Variants in TMEM108 observed in about 807,000 individuals in gnomAD.
TMEM108 encodes cancer/testis antigen 124.
Under a neutral mutation model 35.1 loss-of-function variants are expected in TMEM108, and 12 were observed. That is an observed-to-expected ratio of 0.34 (90% CI 0.22 to 0.55). The LOEUF (loss-of-function observed/expected upper bound fraction) is 0.55. TMEM108 is among the 20% of genes least tolerant of loss of function. TMEM108 has a pLI of 0.89. For missense variants in TMEM108, 680 were observed against 753.3 expected (o/e 0.90, Z 1.14); for synonymous variants, 287 against 308.6 (o/e 0.93, Z 0.73).
chr3:133,300,252 G>A (rs1326881340), intron 3 of TMEM108, among the ~76,000 whole-genome samples: 2 of 152,094 alleles, frequency 1.3e-5, no homozygotes, highest in African/African-American at 4.8e-5. Context: ...TGAAAGAGAC[G>A]GATTAATGTC....
chr3:133,228,642 A>G (rs1420084371), intron 2 of TMEM108, among the ~76,000 whole-genome samples: 1 of 152,172 alleles, frequency 6.6e-6, no homozygotes, highest in East Asian at 1.9e-4. Context: ...AATGAAACAG[A>G]CCAATAGAAG....
intron 2 of TMEM108, among the ~76,000 whole-genome samples, chr3:133,067,961 T>A (rs968803112): frequency 2.6e-5 from 4 of 151,532 alleles, no homozygotes; most frequent in African/African-American, 9.7e-5. Context: ...CTGGTGTGGG[T>A]CATCCCACCG....
intron 2 of TMEM108, among the ~76,000 whole-genome samples, chr3:133,222,040 T>C (rs1334282192): frequency 6.6e-6 from 1 of 152,206 alleles, no homozygotes; most frequent in Admixed American, 6.5e-5. Flanking sequence ...TATGTTTTCT[T>C]GTATTAATTA....
intron 2 of TMEM108, among the ~76,000 whole-genome samples, chr3:133,059,744 CA>C (rs146342386): frequency 0.025 from 3,798 of 152,284 alleles, 181 homozygotes; most frequent in African/African-American, 0.086. Flanking sequence ...CCATTACATA[CA>C]AAAATCATTG....
chr3:133,226,920 T>C (rs1398667509), intron 2 of TMEM108, among the ~76,000 whole-genome samples: 1 of 152,036 alleles, frequency 6.6e-6, no homozygotes, highest in Non-Finnish European at 1.5e-5. Flanking sequence ...GAGGAGCAAG[T>C]CACATCTTAT....
intron 3 of TMEM108, among the ~76,000 whole-genome samples, chr3:133,264,487 A>G (rs1946669794): frequency 6.6e-6 from 1 of 152,228 alleles, no homozygotes; most frequent in Non-Finnish European, 1.5e-5. Context: ...TCTCAGCAAG[A>G]AGCCAACTAA....
chr3:133,350,471 G>T (rs932170605), intron 3 of TMEM108, among the ~76,000 whole-genome samples: 20 of 152,168 alleles, frequency 1.3e-4, no homozygotes, highest in Admixed American at 1.3e-3. Context: ...ATAAATGCAT[G>T]AGGTAATAGA....
chr3:133,141,607 G>A (rs1944642120), intron 2 of TMEM108, among the ~76,000 whole-genome samples: 1 of 152,194 alleles, frequency 6.6e-6, no homozygotes, highest in Non-Finnish European at 1.5e-5. Flanking sequence ...TGGATGAAGT[G>A]TAAGCCAGGG....
chr3:133,340,975 TAA>T (rs1217861062), intron 3 of TMEM108, among the ~76,000 whole-genome samples: 2 of 151,908 alleles, frequency 1.3e-5, no homozygotes, highest in Admixed American at 1.3e-4. Context: ...GGGGAAAAAC[TAA>T]AAGACTTTCC....
At chr3:133,388,556 G>A (rs181451346) in intron 4 of TMEM108, 20 of 985,370 alleles carry the variant, frequency 2.0e-5, no homozygotes, top group Admixed American at 1.8e-4. Flanking sequence ...TCAAATCCCC[G>A]TTAGCCCTAA....
intron 2 of TMEM108, among the ~76,000 whole-genome samples, chr3:133,065,300 ACACGCACATG>A (rs1216533547): frequency 6.6e-6 from 1 of 152,106 alleles, no homozygotes; most frequent in Non-Finnish European, 1.5e-5. Flanking sequence ...ACACACACAC[ACACGCACATG>A]CACACACACA....
chr3:133,158,483 A>G (rs947783906), intron 2 of TMEM108, among the ~76,000 whole-genome samples: 31 of 151,798 alleles, frequency 2.0e-4, no homozygotes, highest in Non-Finnish European at 4.6e-4. Flanking sequence ...AAAAAAAAAA[A>G]AAAAAAGAAA....
intron 3 of TMEM108, among the ~76,000 whole-genome samples, chr3:133,307,882 T>A (rs1420627969): frequency 1.3e-5 from 2 of 152,166 alleles, no homozygotes; most frequent in African/African-American, 4.8e-5. Context: ...AGTAGATTTT[T>A]CCAATTCTGT....
chr3:133,371,023 C>T (rs1045646335), intron 3 of TMEM108, among the ~76,000 whole-genome samples: 2 of 151,976 alleles, frequency 1.3e-5, no homozygotes, highest in Non-Finnish European at 2.9e-5. Context: ...TAGAAAGAGC[C>T]TGGCATTGAG....
At chr3:133,364,189 A>C (rs2072438151) in intron 3 of TMEM108, among the ~76,000 whole-genome samples, 1 of 152,254 alleles carries the variant, frequency 6.6e-6, no homozygotes, top group South Asian at 2.1e-4. Context: ...AAATTGGGAG[A>C]GAGAAGTTTG....
At chr3:133,063,562 T>C (rs1943559610) in intron 2 of TMEM108, among the ~76,000 whole-genome samples, 1 of 151,878 alleles carries the variant, frequency 6.6e-6, no homozygotes, top group African/African-American at 2.4e-5. Flanking sequence ...GAATGGTGGG[T>C]GATAGGGTCA....
chr3:133,179,413 C>T (rs1462762014), intron 2 of TMEM108, among the ~76,000 whole-genome samples: 1 of 152,234 alleles, frequency 6.6e-6, no homozygotes, highest in East Asian at 1.9e-4. Flanking sequence ...ACCCAAATGC[C>T]CAACAATGAT....
chr3:133,063,186 A>G (rs1943555567), intron 2 of TMEM108, among the ~76,000 whole-genome samples: 1 of 152,102 alleles, frequency 6.6e-6, no homozygotes, highest in South Asian at 2.1e-4. Context: ...TAGGGCAGAG[A>G]ACAGGGACTG....
intron 3 of TMEM108, among the ~76,000 whole-genome samples, chr3:133,362,136 C>G (rs2107795387): frequency 6.6e-6 from 1 of 152,074 alleles, no homozygotes; most frequent in South Asian, 2.1e-4. Flanking sequence ...GGGTCACAGA[C>G]CCAAGGATAC....
Sources: allele counts gnomAD v4.1 joint callset (sites outside exome capture counted in the v4.1 genomes callset), GRCh38; gene constraint gnomAD v4.1.1; transcripts MANE v1.5; gene names NCBI Gene and HGNC (gene_info 2026-07-23, HGNC 2026-07-21).